SNW1: variants seen among roughly 807,000 people sequenced by gnomAD.
SNW1 encodes SNW domain-containing protein 1.
A neutral mutation model predicts 75.6 loss-of-function variants in SNW1; 9 were observed. That is an observed-to-expected ratio of 0.12 (90% CI 0.07 to 0.21). SNW1 has a LOEUF of 0.21. SNW1 is among the 10% of genes least tolerant of loss of function. SNW1 has a pLI of 1.00. For missense variants in SNW1, 409 were observed against 670.9 expected (o/e 0.61, Z 4.31); for synonymous variants, 200 against 219.1 (o/e 0.91, Z 0.77).
intron 12 of SNW1, chr14:77,720,440 G>C: frequency 1.4e-6 from 1 of 695,094 alleles, no homozygotes; most frequent in African/African-American, 1.8e-5. Flanking sequence ...TGGCCTCCCT[G>C]GTTCTATTTT....
Position 77,718,076 on chromosome 14 carries a change from AG to A in SNW1, c.*11del. On this transcript the variant is annotated 3_prime_UTR_variant, in exon 14 of 14. Coordinates refer to ENST00000261531, the MANE Select transcript of SNW1 (RefSeq NM_012245.3). ...ATGGGTAAGAGTTCATTCACTTTGG[AG>A]AGACCTGTGCCTATTCCTTCCTCCT... 6.5e-7 allele frequency: 1 copy of A among 1,548,280 alleles called. No individual in the cohort carries two copies. Among genetic ancestry groups the A allele is most frequent in the Non-Finnish European group, 8.7e-7 (1 of 1,148,542 alleles).
chr14:77,758,315 C>CAAA (rs55707854), intron 1 of SNW1, among the ~76,000 whole-genome samples: 5,319 of 85,644 alleles, frequency 0.062, 382 homozygotes, highest in Non-Finnish European at 0.081. Flanking sequence ...GACTCTGCCA[C>CAAA]AAAAAAAAAA....
intron 12 of SNW1, among the ~76,000 whole-genome samples, chr14:77,719,558 T>C (rs1050603106): frequency 2.6e-5 from 4 of 152,116 alleles, no homozygotes; most frequent in Non-Finnish European, 5.9e-5. Context: ...GGAGAATCCC[T>C]TGAACCTGGG....
At chr14:77,751,259 C>G in intron 3 of SNW1, 60 bp downstream of exon 3, 1 of 1,510,986 alleles carries the variant, frequency 6.6e-7, no homozygotes, top group East Asian at 2.3e-5. Context: ...TTATCGTGTC[C>G]ACAAAATTTA....
At position 77,718,054 on chromosome 14, in the gene SNW1, G is replaced by C. The variant is rs771484864; in HGVS notation, c.*34C>G. The C allele has an allele frequency of 2.6e-6, 4 of 1,519,184 alleles. No individual in the cohort carries two copies. The South Asian group carries it at 3.9e-5, about 15-fold the overall frequency. 94.1% of individuals were successfully genotyped at this position (1,519,184 alleles called of 1,614,324 possible). ...TATGACTTGCATCATTAGGGTTATGGGTAAGAGTTCATTCACTTTGGAGAG... is the reference window on the plus strand; with the variant it reads ...TATGACTTGCATCATTAGGGTTATGCGTAAGAGTTCATTCACTTTGGAGAG... On this transcript the variant is annotated 3_prime_UTR_variant, in exon 14 of 14. Coordinates refer to ENST00000261531, the MANE Select transcript of SNW1 (RefSeq NM_012245.3).
At chr14:77,757,052 T>C (rs1241115720) in intron 1 of SNW1, among the ~76,000 whole-genome samples, 1 of 152,194 alleles carries the variant, frequency 6.6e-6, no homozygotes, top group Non-Finnish European at 1.5e-5. Flanking sequence ...AGGATCCTGA[T>C]GGATGAATAT....
In SNW1 at chr14:77,724,181, A is replaced by G. The variant is rs114866782; in HGVS notation, c.1034-904T>C. 4.3e-3 allele frequency among the ~76,000 whole-genome samples: 649 copies of G among 152,258 alleles called. 3 individuals are homozygous for G. Among genetic ancestry groups the G allele is most frequent in the African/African-American group, 0.015 (615 of 41,538 alleles). On this transcript the variant is annotated intron_variant, in intron 10 of 13. Transcript: ENST00000261531. Reference sequence around the variant, plus strand: ...GTGATAAAGCAAATTTATCAATGTTAATTGCTTTTAAAATTTATTTTTGAT... The same window carrying G: ...GTGATAAAGCAAATTTATCAATGTTGATTGCTTTTAAAATTTATTTTTGAT...
chr14:77,724,727 C>G (rs1206800086), intron 10 of SNW1, among the ~76,000 whole-genome samples: 1 of 152,136 alleles, frequency 6.6e-6, no homozygotes, highest in Non-Finnish European at 1.5e-5. Flanking sequence ...TGTATATAGA[C>G]CACATTTTCT....
intron 10 of SNW1, among the ~76,000 whole-genome samples, chr14:77,728,620 T>C (rs1220582192): frequency 1.3e-5 from 2 of 152,240 alleles, no homozygotes; most frequent in Non-Finnish European, 2.9e-5. Context: ...TTCATTTTTT[T>C]CTACCCTCGC....
chr14:77,719,387 C>T (rs972067548), intron 12 of SNW1, among the ~76,000 whole-genome samples: 1 of 152,032 alleles, frequency 6.6e-6, no homozygotes, highest in Non-Finnish European at 1.5e-5. Context: ...CCTGTAATCC[C>T]AGCACTTTGG....
In SNW1 at chr14:77,718,542, T is replaced by G. The variant is rs750606727; in HGVS notation, c.1249-12A>C. 1 of 1,509,518 alleles carries G rather than the reference T, an allele frequency of 6.6e-7. No individual in the cohort carries two copies. The highest frequency in any genetic ancestry group is 2.3e-5 in the East Asian group (1 of 43,994). The allele number at this position is 1,509,518 out of a possible 1,614,324, so 93.5% of individuals were successfully genotyped here. On this transcript the variant is annotated splice_polypyrimidine_tract_variant and intron_variant, in intron 12 of 13. Coordinates refer to ENST00000261531, the MANE Select transcript of SNW1 (RefSeq NM_012245.3). ...CCACTGTCCATACCCTGTGGAAAAA[T>G]GGATGACATTAAATAAAAGTGTAAA...
intron 10 of SNW1, 98 bp downstream of exon 10, chr14:77,730,890 T>C: frequency 3.1e-6 from 4 of 1,296,804 alleles, no homozygotes; most frequent in Non-Finnish European, 4.3e-6. Context: ...ATTTTGTTTA[T>C]ATGTACCTAC....
chr14:77,728,224 TG>T (rs1412774421), intron 10 of SNW1, among the ~76,000 whole-genome samples: 19 of 152,040 alleles, frequency 1.2e-4, no homozygotes, highest in Admixed American at 1.2e-3. Flanking sequence ...CTGAGGCAGG[TG>T]GATCACCTGA....
At chr14:77,737,245 C>CAT (rs1196746461) in intron 5 of SNW1, among the ~76,000 whole-genome samples, 170 bp from the exon 6 acceptor site, 1 of 152,158 alleles carries the variant, frequency 6.6e-6, no homozygotes, top group Non-Finnish European at 1.5e-5. Flanking sequence ...GATAAAAGAA[C>CAT]ATAAATTATG....
chr14:77,740,429 A>G (rs1042334826), intron 3 of SNW1, among the ~76,000 whole-genome samples: 1 of 152,172 alleles, frequency 6.6e-6, no homozygotes, highest in Non-Finnish European at 1.5e-5. Flanking sequence ...CAAACAGAGC[A>G]AAAAAGTGTG....
chr14:77,759,247 G>A (rs767519832), intron 1 of SNW1, among the ~76,000 whole-genome samples: 5 of 152,190 alleles, frequency 3.3e-5, no homozygotes, highest in African/African-American at 7.2e-5. Flanking sequence ...GGTGGCTCAC[G>A]CCAGTAATGC....
chr14:77,734,810 C>T lies in SNW1; in HGVS notation c.774+137G>A, dbSNP rs1294103601. 4 of 654,828 alleles carry T rather than the reference C, an allele frequency of 6.1e-6. No individual in the cohort carries two copies. In the East Asian group the frequency reaches 7.8e-5, roughly 13 times the overall value. The allele number at this position is 654,828 out of a possible 1,614,324, so 40.6% of individuals were successfully genotyped here. ...CATTTCTATTACATTAAAAAAGTCA[C>T]CAAATTGGGCATTCCTTTTTGAAAA... On this transcript the variant is annotated intron_variant, in intron 8 of 13. Transcript: ENST00000261531.
intron 3 of SNW1, among the ~76,000 whole-genome samples, chr14:77,747,961 C>T (rs923301775): frequency 2.0e-5 from 3 of 152,088 alleles, no homozygotes; most frequent in Admixed American, 6.5e-5. Flanking sequence ...GCGGTTTTGT[C>T]GAATGGAGAG....
chr14:77,738,747 T>G (rs1248362504), intron 5 of SNW1, 31 bp downstream of exon 5: 2 of 1,530,714 alleles, frequency 1.3e-6, no homozygotes, highest in Non-Finnish European at 1.8e-6. Flanking sequence ...AAGTTCAGAA[T>G]GAAACTAAGT....
Sources: gnomAD v4.1 joint callset for allele counts (sites outside exome capture counted in the v4.1 genomes callset) on GRCh38, gnomAD v4.1.1 for gene constraint, MANE v1.5 for transcripts, NCBI Gene and HGNC (gene_info 2026-07-23, HGNC 2026-07-21) for gene names.